KCNQ5: variants seen among roughly 807,000 people sequenced by gnomAD.
The protein encoded by KCNQ5 is potassium voltage-gated channel subfamily Q member 5, also known as potassium voltage-gated channel subfamily KQT member 5.
A neutral mutation model predicts 98.2 loss-of-function variants in KCNQ5; 30 were observed. That is an observed-to-expected ratio of 0.31 (90% CI 0.23 to 0.41). The LOEUF is 0.41. Ranked by LOEUF, KCNQ5 falls within the 10% of genes least tolerant of loss-of-function variation. The pLI, the probability that KCNQ5 is intolerant of heterozygous loss-of-function variation, is 1.00. For synonymous variants in KCNQ5, 458 were observed against 449.4 expected, an observed-to-expected ratio of 1.02 and a Z score of -0.24; for missense variants, 835 against 1,182.5, an observed-to-expected ratio of 0.71 and a Z score of 4.31.
intron 1 of KCNQ5, among the ~76,000 whole-genome samples, chr6:72,631,261 G>A (rs2098920633): frequency 6.6e-6 from 1 of 152,176 alleles, no homozygotes; most frequent in Admixed American, 6.5e-5. Context: ...AACTATAAAT[G>A]TACAGCAGCT....
At chr6:72,668,297 A>C (rs1766929823) in intron 1 of KCNQ5, among the ~76,000 whole-genome samples, 1 of 152,228 alleles carries the variant, frequency 6.6e-6, no homozygotes, top group Admixed American at 6.5e-5. Context: ...ACTAAACATA[A>C]TTACTGAGCA....
chr6:72,915,070 TA>T (rs575804621), intron 1 of KCNQ5, among the ~76,000 whole-genome samples: 5 of 151,958 alleles, frequency 3.3e-5, no homozygotes, highest in Admixed American at 3.3e-4. Flanking sequence ...ACTGTTAATT[TA>T]AAAAAAGATA....
chr6:72,736,084 T>TACAC (rs59201837), intron 1 of KCNQ5, among the ~76,000 whole-genome samples: 5,997 of 148,594 alleles, frequency 0.04, 314 homozygotes, highest in African/African-American at 0.12. Flanking sequence ...TGTGTACACA[T>TACAC]ACACACACAC....
At chr6:72,946,195 A>G (rs1048935210) in intron 1 of KCNQ5, among the ~76,000 whole-genome samples, 5 of 152,210 alleles carry the variant, frequency 3.3e-5, no homozygotes, top group Non-Finnish European at 7.3e-5. Context: ...TATTAACATG[A>G]AAAACCATCT....
At chr6:72,760,356 G>A (rs1772202843) in intron 1 of KCNQ5, among the ~76,000 whole-genome samples, 1 of 152,134 alleles carries the variant, frequency 6.6e-6, no homozygotes, top group Non-Finnish European at 1.5e-5. Context: ...GTCAGCACCT[G>A]AACAATGTGG....
At chr6:72,875,127 GA>G (rs1333148057) in intron 1 of KCNQ5, among the ~76,000 whole-genome samples, 3 of 152,094 alleles carry the variant, frequency 2.0e-5, no homozygotes, top group Admixed American at 1.3e-4. Context: ...ATAAAGTGAT[GA>G]TTAAAGTAGT....
At chr6:72,981,480 T>C (rs1240159608) in intron 1 of KCNQ5, among the ~76,000 whole-genome samples, 1 of 143,342 alleles carries the variant, frequency 7.0e-6, no homozygotes, top group Non-Finnish European at 1.5e-5. Context: ...TGGTAGTTTG[T>C]ATTTCTGTGG....
In KCNQ5 at chr6:72,881,416, T is replaced by C. The variant is rs1221758457; in HGVS notation, c.399-122492T>C. ...CTTCTTCAAGTATGTCTCTGATTAT[T>C]TTCTCTGGAGTTTTTTAAAACAGAT... On this transcript the variant is annotated intron_variant, in intron 1 of 13. Coordinates refer to ENST00000370398, the MANE Select transcript of KCNQ5 (RefSeq NM_019842.4). Among the ~76,000 whole-genome samples the C allele has an allele frequency of 4.6e-5, 7 of 152,364 alleles. No individual in the cohort carries two copies. In the East Asian group the frequency reaches 5.8e-4, roughly 13 times the overall value.
intron 1 of KCNQ5, among the ~76,000 whole-genome samples, chr6:72,928,640 A>T (rs926071407): frequency 6.6e-6 from 1 of 152,094 alleles, no homozygotes; most frequent in Non-Finnish European, 1.5e-5. Flanking sequence ...TTATTTTAGA[A>T]AAACAAATCT....
chr6:73,134,028 T>TCTTGAAACAC, intron 10 of KCNQ5: 1 of 473,940 alleles, frequency 2.1e-6, no homozygotes, highest in Non-Finnish European at 4.4e-6. Flanking sequence ...TCTGTGAATA[T>TCTTGAAACAC]CTTGAAACAC....
chr6:73,183,734 G>A (rs1282504632), intron 11 of KCNQ5, among the ~76,000 whole-genome samples: 1 of 152,202 alleles, frequency 6.6e-6, no homozygotes, highest in East Asian at 1.9e-4. Context: ...TGAAAGAAGT[G>A]AGAGGGGATT....
chr6:73,178,981 T>C (rs971347257), intron 11 of KCNQ5, among the ~76,000 whole-genome samples: 1 of 152,186 alleles, frequency 6.6e-6, no homozygotes, highest in African/African-American at 2.4e-5. Context: ...CCGTGATCAA[T>C]TTCGAGTGAG....
intron 1 of KCNQ5, among the ~76,000 whole-genome samples, chr6:72,798,516 G>A (rs1774460705): frequency 6.6e-6 from 1 of 152,122 alleles, no homozygotes; most frequent in Non-Finnish European, 1.5e-5. Flanking sequence ...TCTGCCATGG[G>A]ACAATGCAGC....
intron 1 of KCNQ5, among the ~76,000 whole-genome samples, chr6:72,754,778 A>G (rs1041340413): frequency 2.0e-5 from 3 of 152,140 alleles, no homozygotes; most frequent in Non-Finnish European, 2.9e-5. Flanking sequence ...TCCTTTTAAT[A>G]TAGGGAAGAA....
chr6:72,866,525 G>T (rs1777994399), intron 1 of KCNQ5, among the ~76,000 whole-genome samples: 1 of 152,050 alleles, frequency 6.6e-6, no homozygotes, highest in Admixed American at 6.6e-5. Context: ...AAAGTACTGT[G>T]ATTACAGACA....
intron 2 of KCNQ5, among the ~76,000 whole-genome samples, chr6:73,030,542 C>T (rs1424831813): frequency 1.3e-5 from 2 of 152,120 alleles, no homozygotes; most frequent in African/African-American, 2.4e-5. Flanking sequence ...AATAAATAAT[C>T]TTAGGTAATA....
intron 1 of KCNQ5, among the ~76,000 whole-genome samples, chr6:72,681,973 G>A (rs1474171752): frequency 6.6e-6 from 1 of 152,222 alleles, no homozygotes; most frequent in East Asian, 1.9e-4. Flanking sequence ...GAGTTCCCCA[G>A]GACTTGAGGA....
intron 2 of KCNQ5, among the ~76,000 whole-genome samples, chr6:73,019,388 A>T (rs1032655225): frequency 6.6e-6 from 1 of 152,170 alleles, no homozygotes; most frequent in Non-Finnish European, 1.5e-5. Context: ...GCATTGTGGC[A>T]GGAAAGCCCA....
At chr6:72,715,355 C>T (rs1043469876) in intron 1 of KCNQ5, among the ~76,000 whole-genome samples, 2 of 152,152 alleles carry the variant, frequency 1.3e-5, no homozygotes, top group African/African-American at 4.8e-5. Context: ...CCCAAATCCT[C>T]GGCCAAATCC....
Sources: allele counts gnomAD v4.1 joint callset (sites outside exome capture counted in the v4.1 genomes callset), GRCh38; gene constraint gnomAD v4.1.1; transcripts MANE v1.5; gene names NCBI Gene and HGNC (gene_info 2026-07-23, HGNC 2026-07-21).